The following TSC2 variants were observed in gnomAD, a reference collection of about 807,000 sequenced individuals.
TSC2 encodes the protein TSC complex subunit 2, also known as tuberin.
Under a neutral mutation model 202.2 loss-of-function variants are expected in TSC2, and 29 were observed. The ratio of observed to expected loss-of-function variants is 0.14; its 90% CI spans 0.11 to 0.20. TSC2 has a LOEUF of 0.20. TSC2 is among the 10% of genes least tolerant of loss of function. The probability of loss-of-function intolerance (pLI) is 1.00; values close to 1 mark genes in which losing one functional copy is unlikely to be tolerated. For synonymous variants in TSC2, 1,349 were observed against 1,044.0 expected (o/e 1.29, Z -5.63); for missense variants, 2,429 against 2,420.0 (o/e 1.00, Z -0.08).
intron 15 of TSC2, 69 bp downstream of exon 15, chr16:2,064,496 G>A (rs2087047961): frequency 1.2e-6 from 2 of 1,607,314 alleles, no homozygotes; most frequent in South Asian, 1.1e-5. Context: ...TGGCCTCTGG[G>A]CCCTCTGTCC....
Position 2,088,845 on chromosome 16 carries a change from G to A in TSC2, c.*235G>A, listed in dbSNP as rs1431347885. On this transcript the variant is annotated 3_prime_UTR_variant, in exon 42 of 42. Coordinates refer to ENST00000219476, the MANE Select transcript of TSC2 (RefSeq NM_000548.5). ...AGCCAGCTCCGAGGGCCTTGAGGCT[G>A]CCTGGGCCATACAGCACACTCGCGC... is the stretch of plus-strand genomic sequence containing the variant. 4 of 588,706 alleles carry A rather than the reference G, an allele frequency of 6.8e-6. No homozygotes were observed. Among genetic ancestry groups the A allele is most frequent in the Non-Finnish European group, 1.2e-5 (4 of 333,678 alleles). 36.5% of individuals were successfully genotyped at this position (588,706 alleles called of 1,614,324 possible).
chr16:2,083,515 G>A (rs1244651443), intron 32 of TSC2, 180 bp from the exon 33 acceptor site: 5 of 1,078,948 alleles, frequency 4.6e-6, no homozygotes, highest in Admixed American at 2.0e-5. Flanking sequence ...TCGGGGTCAC[G>A]TGCAGGCCTT....
chr16:2,058,671 G>C (rs559406565), intron 9 of TSC2, 76 bp from the exon 10 acceptor site: 125 of 1,542,332 alleles, frequency 8.1e-5, no homozygotes, highest in Middle Eastern at 2.3e-4. Context: ...CAGGAGCCTC[G>C]GCAACCTCAC....
At position 2,088,783 on chromosome 16, in the gene TSC2, G is replaced by T. The variant is rs554255347; in HGVS notation, c.*173G>T. ...GGGGGGGTGTCGAGGCTCTAGAAGC[G>T]GCCATGCCCACAGAAGTGGTACACA... is the stretch of plus-strand genomic sequence containing the variant. On this transcript the variant is annotated 3_prime_UTR_variant, in exon 42 of 42. Transcript: ENST00000219476. 2.2e-6 allele frequency: 2 copies of T among 889,270 alleles called. No individual in the cohort carries two copies. The highest frequency in any genetic ancestry group is 3.3e-6 in the Non-Finnish European group (2 of 597,100). The allele number at this position is 889,270 out of a possible 1,614,324, so 55.1% of individuals were successfully genotyped here.
intron 22 of TSC2, 70 bp downstream of exon 22, chr16:2,074,459 G>A (rs1365748573): frequency 1.1e-5 from 18 of 1,574,330 alleles, no homozygotes; most frequent in Non-Finnish European, 1.3e-5. Context: ...GGCTTCTCTG[G>A]TGCCCTCTCT....
At chr16:2,084,828 C>T (rs945398091) in intron 34 of TSC2, 113 bp downstream of exon 34, 15 of 1,598,680 alleles carry the variant, frequency 9.4e-6, no homozygotes, top group African/African-American at 1.3e-5. Flanking sequence ...TGCCCTAGGG[C>T]TGGCTGGAAC....
chr16:2,072,000 G>C (rs541767266), intron 19 of TSC2, 66 bp downstream of exon 19: 1 of 1,507,504 alleles, frequency 6.6e-7, no homozygotes, highest in African/African-American at 1.4e-5. Context: ...GCTGCCACCT[G>C]CCTGCTGGGC....
chr16:2,082,554 C>T, intron 32 of TSC2, 50 bp downstream of exon 32: 19 of 1,594,744 alleles, frequency 1.2e-5, no homozygotes, highest in Non-Finnish European at 1.6e-5. Context: ...CACTCTGCCT[C>T]ATAGGTGCTG....
chr16:2,075,993 C>T (rs1441780535), intron 23 of TSC2, 75 bp from the exon 24 acceptor site: 21 of 1,612,342 alleles, frequency 1.3e-5, no homozygotes, highest in South Asian at 8.8e-5. Context: ...CTGAGCGCCT[C>T]GGTTTTTTGC....
chr16:2,074,587 C>G (rs566008453), intron 22 of TSC2, 198 bp downstream of exon 22: 89 of 662,166 alleles, frequency 1.3e-4, no homozygotes, highest in Admixed American at 6.1e-4. Flanking sequence ...CCTCTCACCC[C>G]TCTAGTGTCC....
At chr16:2,078,577 T>TAGATCTC in intron 26 of TSC2, 2 of 277,432 alleles carry the variant, frequency 7.2e-6, no homozygotes, top group Non-Finnish European at 1.4e-5. Context: ...TCACTGGGTG[T>TAGATCTC]GGAGCTCAGG....
rs1596317209 is a variant in TSC2 at position 2,065,540 on chromosome 16, C to G, written c.1621C>G (p.Pro541Ala). 1 of 1,613,784 alleles carries G rather than the reference C, an allele frequency of 6.2e-7. No individual in the cohort carries two copies. The highest frequency in any genetic ancestry group is 8.5e-7 in the Non-Finnish European group (1 of 1,179,990). ...AAAGGTGATGGCCCGCTCCCTCTCC[C>G]CACCCCCGGAGCTGGAAGAAAGGGA... Reference protein sequence around the residue: ...IEKVMARSLSPPPELEERDVA... With the variant: ...IEKVMARSLSAPPELEERDVA... Residue 541 changes from proline to alanine, a missense_variant, in exon 16 of 42, where the codon CCA becomes GCA. Coordinates refer to ENST00000219476, the MANE Select transcript of TSC2 (RefSeq NM_000548.5).
chr16:2,069,462 CAT>C (rs1380214560), intron 16 of TSC2, among the ~76,000 whole-genome samples: 2 of 151,108 alleles, frequency 1.3e-5, no homozygotes, highest in Non-Finnish European at 2.9e-5. Flanking sequence ...GATTTACAGG[CAT>C]GCACCACCAC....
intron 2 of TSC2, among the ~76,000 whole-genome samples, 164 bp downstream of exon 2, chr16:2,048,917 G>C (rs1179964392): frequency 6.6e-6 from 1 of 152,150 alleles, no homozygotes; most frequent in Admixed American, 6.5e-5. Flanking sequence ...AGGAGACTTC[G>C]AAAGTCAGGA....
At chr16:2,071,458 T>C (rs2088370078) in intron 17 of TSC2, 52 bp from the exon 18 acceptor site, 3 of 1,605,014 alleles carry the variant, frequency 1.9e-6, no homozygotes, top group Non-Finnish European at 1.7e-6. Flanking sequence ...ACGCCGCCTG[T>C]CCTGGGCCTG....
chr16:2,079,061 G>C lies in TSC2; in HGVS notation c.2996G>C (p.Ser999Thr), dbSNP rs149808366. 3.1e-6 allele frequency: 5 copies of C among 1,612,838 alleles called. No individual in the cohort carries two copies. Among genetic ancestry groups the C allele is most frequent in the African/African-American group, 1.3e-5 (1 of 74,928 alleles). ...SRIQTSLTSASLGSADENSVA... is the reference protein window; with the variant it reads ...SRIQTSLTSATLGSADENSVA... ...ATACAGACGTCCCTCACCAGTGCCA[G>C]CTTGGGGTCTGCAGATGAGAACTCC... The change falls in exon 27 of 42, where the codon AGC becomes ACC. Residue 999 changes from serine (S) to threonine (T), a missense_variant. Physicochemically the swap from Ser to Thr is moderately conservative, Grantham distance 58. Coordinates refer to ENST00000219476, the MANE Select transcript of TSC2 (RefSeq NM_000548.5). The surrounding 1 kb of genome is among the most constrained non-coding windows in gnomAD (Gnocchi z 4.6).
chr16:2,082,645 C>T lies in TSC2; in HGVS notation c.3883+141C>T, dbSNP rs183203627. On this transcript the variant is annotated intron_variant, in intron 32 of 41. Coordinates refer to ENST00000219476, the MANE Select transcript of TSC2 (RefSeq NM_000548.5). ...GAGCAGGTCCCGACTCGCATGAGGA[C>T]GTCTGTGCAGAATGTCTTTGGCTTG... is the stretch of plus-strand genomic sequence containing the variant. 2.4e-5 allele frequency: 22 copies of T among 920,060 alleles called. No individual in the cohort carries two copies. The East Asian group carries it at 4.3e-4, about 18-fold the overall frequency. The allele number at this position is 920,060 out of a possible 1,614,324, so 57.0% of individuals were successfully genotyped here. A position where few individuals can be genotyped will look rare whatever the true frequency, so the allele number is the denominator to read the frequency against.
At position 2,065,524 on chromosome 16, in the gene TSC2, G is replaced by A. The variant is rs2151206304; in HGVS notation, c.1605G>A (p.Met535Ile). The change falls in exon 16 of 42, where the codon ATG becomes ATA. Residue 535 changes from methionine (M) to isoleucine (I), a missense_variant. Coordinates refer to ENST00000219476, the MANE Select transcript of TSC2 (RefSeq NM_000548.5). ...TCCTGGCCTTCTCTTCAAAGGTGAT[G>A]GCCCGCTCCCTCTCCCCACCCCCGG... ...NSLLDIIEKV[M>I]ARSLSPPPEL... The A allele has an allele frequency of 1.2e-6, 2 of 1,612,960 alleles. No individual in the cohort carries two copies. The highest frequency in any genetic ancestry group is 1.7e-6 in the Non-Finnish European group (2 of 1,179,610).
rs919008906 is a variant in TSC2 at position 2,064,468 on chromosome 16, G to A, written c.1599+41G>A. The A allele has an allele frequency of 3.1e-6, 5 of 1,611,268 alleles. No homozygotes were observed. The African/African-American group carries it at 5.3e-5, about 17-fold the overall frequency. ...CCCGGGGCCGGGTGCTAGCGTGCCA[G>A]AGCTCCGTGGGCAGCAATGGCCTCT... On this transcript the variant is annotated intron_variant, in intron 15 of 41. Coordinates refer to ENST00000219476, the MANE Select transcript of TSC2 (RefSeq NM_000548.5).
Sources: allele counts gnomAD v4.1 joint callset (sites outside exome capture counted in the v4.1 genomes callset), GRCh38; gene constraint gnomAD v4.1.1; non-coding constraint Gnocchi (gnomAD v3.1); transcripts MANE v1.5; gene names NCBI Gene and HGNC (gene_info 2026-07-23, HGNC 2026-07-21).